BCL11A: variants seen among roughly 807,000 people sequenced by gnomAD.
The protein encoded by BCL11A is BCL11 transcription factor A.
BCL11A carries 2 observed loss-of-function variants against 55.9 expected under a neutral mutation model. The ratio of observed to expected loss-of-function variants is 0.04; its 90% CI spans 0.01 to 0.11. BCL11A has a LOEUF of 0.11. BCL11A is among the 10% of genes least tolerant of loss of function. The pLI is 1.00. For synonymous variants in BCL11A, 465 were observed against 473.4 expected (o/e 0.98, Z 0.23); for missense variants, 817 against 1,137.1 (o/e 0.72, Z 4.05).
At chr2:60,475,672 G>A (rs778735879) in intron 2 of BCL11A, among the ~76,000 whole-genome samples, 2 of 152,066 alleles carry the variant, frequency 1.3e-5, no homozygotes. Flanking sequence ...GAGGATAGGG[G>A]TGCCCTTACT....
intron 1 of BCL11A, among the ~76,000 whole-genome samples, chr2:60,548,330 C>CTTTTTTT (rs34428551): frequency 1.5e-5 from 2 of 135,126 alleles, no homozygotes; most frequent in Admixed American, 7.4e-5. Context: ...CGTTAAGATT[C>CTTTTTTT]TTTTTTTTTT....
rs577785642 is a variant in BCL11A at position 60,488,924 on chromosome 2, T to C, written c.386-20091A>G. Among the ~76,000 whole-genome samples the C allele has an allele frequency of 2.0e-5, 3 of 152,266 alleles. No individual in the cohort carries two copies. In the East Asian group the frequency reaches 5.8e-4, roughly 29 times the overall value. On this transcript the variant is annotated intron_variant, in intron 2 of 3. Coordinates refer to ENST00000642384, the MANE Select transcript of BCL11A (RefSeq NM_022893.4). ...ATAGGCATGCGCCACCACACGCGGC[T>C]AATTTCTGTATTTTTGGTAGAGACG...
intron 2 of BCL11A, among the ~76,000 whole-genome samples, chr2:60,513,927 C>A (rs115901467): frequency 1.9e-3 from 289 of 152,322 alleles, no homozygotes; most frequent in African/African-American, 6.7e-3. Context: ...GAGCAAAACT[C>A]CCTGGATTGA....
intron 2 of BCL11A, among the ~76,000 whole-genome samples, chr2:60,523,651 AT>A (rs34605417): frequency 0.05 from 7,158 of 143,444 alleles, 360 homozygotes; most frequent in East Asian, 0.22. Flanking sequence ...GTGTTTGGGG[AT>A]TTTTTTTTTT....
intron 2 of BCL11A, among the ~76,000 whole-genome samples, chr2:60,539,664 A>T (rs992616526): frequency 6.6e-6 from 1 of 152,194 alleles, no homozygotes; most frequent in Non-Finnish European, 1.5e-5. Context: ...TGGCACTTTT[A>T]AAATTATTAT....
chr2:60,514,431 T>A (rs1668634657), intron 2 of BCL11A, among the ~76,000 whole-genome samples: 2 of 146,706 alleles, frequency 1.4e-5, no homozygotes, highest in Non-Finnish European at 3.0e-5. Flanking sequence ...CCGAGGCGTG[T>A]GGGTCACCTG....
At chr2:60,467,912 G>GTGGTGA (rs1558620553) in intron 3 of BCL11A, among the ~76,000 whole-genome samples, 2 of 96,628 alleles carry the variant, frequency 2.1e-5, no homozygotes, top group Non-Finnish European at 4.8e-5. Context: ...GGTAATGGTG[G>GTGGTGA]TGGTGGTGGT....
chr2:60,457,952 C>CT lies in BCL11A; in HGVS notation c.*2451dup, dbSNP rs373340401. ...TAATGTCACACTTTTTTGTTTCTCT[C>CT]TTTTTTTTTTTTTTGAAGCATACAA... On this transcript the variant is annotated 3_prime_UTR_variant, in exon 4 of 4. Coordinates refer to ENST00000642384, the MANE Select transcript of BCL11A (RefSeq NM_022893.4). 0.054 allele frequency: 44,322 copies of CT among 819,634 alleles called. 8 individuals are homozygous for CT. Among genetic ancestry groups the CT allele is most frequent in the Non-Finnish European group, 0.059 (39,549 of 673,020 alleles). The allele number at this position is 819,634 out of a possible 1,614,324, so 50.8% of individuals were successfully genotyped here.
At chr2:60,539,199 G>A (rs1669808932) in intron 2 of BCL11A, among the ~76,000 whole-genome samples, 1 of 152,212 alleles carries the variant, frequency 6.6e-6, no homozygotes, top group African/African-American at 2.4e-5. Context: ...TGGTGTGGTG[G>A]TGGAAGAAGC....
At position 60,460,303 on chromosome 2, in the gene BCL11A, GA is replaced by G. The variant is rs989290040; in HGVS notation, c.*100del. On this transcript the variant is annotated 3_prime_UTR_variant, in exon 4 of 4. Transcript: ENST00000642384. ...TGTTTGTTTAAATCACATGGGACTA[GA>G]AAAAAATCCTACAGGGAGTGGGGCT... is the stretch of plus-strand genomic sequence containing the variant. 6.7e-5 allele frequency: 100 copies of G among 1,495,660 alleles called. No homozygotes were observed. The highest frequency in any genetic ancestry group is 1.3e-4 in the African/African-American group (9 of 71,270). 92.6% of individuals were successfully genotyped at this position (1,495,660 alleles called of 1,614,324 possible). A position where few individuals can be genotyped will look rare whatever the true frequency, so the allele number is the denominator to read the frequency against.
At chr2:60,525,827 T>G (rs1410412696) in intron 2 of BCL11A, 2 of 152,222 alleles carry the variant, frequency 1.3e-5, no homozygotes, top group Admixed American at 1.3e-4. Context: ...CAAAAGACCT[T>G]AAATGCCCTC....
chr2:60,497,151 G>C (rs901606616), intron 2 of BCL11A, among the ~76,000 whole-genome samples: 10 of 152,190 alleles, frequency 6.6e-5, no homozygotes, highest in African/African-American at 1.9e-4. Context: ...GCTAGAGCTA[G>C]AGCTATTTCC....
intron 2 of BCL11A, among the ~76,000 whole-genome samples, chr2:60,488,627 G>A (rs952998846): frequency 6.6e-6 from 1 of 152,156 alleles, no homozygotes; most frequent in African/African-American, 2.4e-5. Flanking sequence ...GGGGAATTCG[G>A]TAAAACTTTC....
chr2:60,470,146 A>G (rs1207213267), intron 2 of BCL11A, among the ~76,000 whole-genome samples: 2 of 152,116 alleles, frequency 1.3e-5, no homozygotes, highest in East Asian at 3.9e-4. Flanking sequence ...TTACACAGAC[A>G]GCATAGGTCT....
At chr2:60,467,848 GCTA>G (rs1478560588) in intron 3 of BCL11A, among the ~76,000 whole-genome samples, 44 of 104,184 alleles carry the variant, frequency 4.2e-4, no homozygotes, top group African/African-American at 1.4e-3. Context: ...TGGTGGTGAT[GCTA>G]CTGGTGGTGA....
At chr2:60,545,054 T>C (rs1205894391) in intron 2 of BCL11A, 2 of 152,308 alleles carry the variant, frequency 1.3e-5, no homozygotes, top group East Asian at 1.9e-4. Flanking sequence ...AATTTTTACA[T>C]TGTGTTATAG....
At chr2:60,539,437 G>A (rs1042818785) in intron 2 of BCL11A, among the ~76,000 whole-genome samples, 4 of 152,158 alleles carry the variant, frequency 2.6e-5, no homozygotes, top group Non-Finnish European at 5.9e-5. Context: ...CTCAGAAATA[G>A]ACCCCAAGTT....
Position 60,546,329 on chromosome 2 carries a change from A to C in BCL11A, c.56-29T>G, listed in dbSNP as rs779841627. 24 of 1,594,560 alleles carry C rather than the reference A, an allele frequency of 1.5e-5. No individual in the cohort carries two copies. The highest frequency in any genetic ancestry group is 1.9e-5 in the Non-Finnish European group (22 of 1,165,770). On this transcript the variant is annotated intron_variant, in intron 1 of 3. Transcript: ENST00000642384. This position sits in a 1 kb window ranked among gnomAD's most constrained non-coding sequence, Gnocchi z 4.1. The stretch of plus-strand genomic sequence containing the variant: ...TGGTTGGAGAAACAAAAGCACAATT[A>C]TTAGAGTGCCAGAGAGGACAGAAAG...
chr2:60,501,120 C>T (rs1459672307), intron 2 of BCL11A, among the ~76,000 whole-genome samples: 1 of 152,222 alleles, frequency 6.6e-6, no homozygotes, highest in African/African-American at 2.4e-5. Flanking sequence ...GAAACAAGAC[C>T]TGTTTCTGGA....
Sources: gnomAD v4.1 joint callset for allele counts (sites outside exome capture counted in the v4.1 genomes callset) on GRCh38, gnomAD v4.1.1 for gene constraint, Gnocchi (gnomAD v3.1) non-coding constraint, MANE v1.5 for transcripts, NCBI Gene and HGNC (gene_info 2026-07-23, HGNC 2026-07-21) for gene names.